Variants in MYO6 observed in about 807,000 individuals in gnomAD.
MYO6 encodes the protein myosin VI.
MYO6 carries 74 observed loss-of-function variants against 178.7 expected under a neutral mutation model. The ratio of observed to expected loss-of-function variants is 0.41; its 90% CI spans 0.34 to 0.50. The LOEUF is 0.50. MYO6 is among the 20% of genes least tolerant of loss of function. MYO6 has a pLI of 0.09. For missense variants in MYO6, 1,330 were observed against 1,547.4 expected (o/e 0.86, Z 2.36); for synonymous variants, 477 against 504.6 (o/e 0.95, Z 0.73).
At chr6:75,903,973 T>A (rs926532980) in intron 30 of MYO6, among the ~76,000 whole-genome samples, 5 of 152,062 alleles carry the variant, frequency 3.3e-5, no homozygotes, top group African/African-American at 1.2e-4. Context: ...ATTTTATTTC[T>A]CCTTCACTTA....
chr6:75,818,993 A>G (rs1771580765), intron 2 of MYO6, among the ~76,000 whole-genome samples: 1 of 152,222 alleles, frequency 6.6e-6, no homozygotes, highest in Non-Finnish European at 1.5e-5. Flanking sequence ...GTGTTTATAT[A>G]TAGTTGTTAT....
At chr6:75,757,730 T>C (rs1334218856) in intron 1 of MYO6, among the ~76,000 whole-genome samples, 1 of 152,078 alleles carries the variant, frequency 6.6e-6, no homozygotes, top group Non-Finnish European at 1.5e-5. Flanking sequence ...ATTTCATTTC[T>C]CTAGGCTTCA....
intron 18 of MYO6, 102 bp from the exon 19 acceptor site, chr6:75,870,545 A>G (rs755242863): frequency 2.0e-5 from 18 of 885,586 alleles, no homozygotes; most frequent in Non-Finnish European, 3.0e-5. Flanking sequence ...TTTGGATGTT[A>G]TTGCATGTTA....
intron 32 of MYO6, among the ~76,000 whole-genome samples, chr6:75,910,891 T>C (rs1460363140): frequency 6.6e-6 from 1 of 152,062 alleles, no homozygotes; most frequent in African/African-American, 2.4e-5. Context: ...GAAGGAACAA[T>C]TCATTAATTT....
At chr6:75,911,583 C>G in intron 32 of MYO6, 89 bp from the exon 33 acceptor site, 1 of 1,149,172 alleles carries the variant, frequency 8.7e-7, no homozygotes, top group Non-Finnish European at 1.3e-6. Context: ...GTCACCACCT[C>G]GATTGGAAGG....
At chr6:75,834,591 T>C (rs1299626638) in intron 6 of MYO6, among the ~76,000 whole-genome samples, 1 of 152,156 alleles carries the variant, frequency 6.6e-6, no homozygotes, top group African/African-American at 2.4e-5. Flanking sequence ...ACACTCATTG[T>C]AGTATAGTTC....
chr6:75,903,257 C>G (rs1779973374), intron 30 of MYO6, among the ~76,000 whole-genome samples: 1 of 151,958 alleles, frequency 6.6e-6, no homozygotes, highest in Non-Finnish European at 1.5e-5. Context: ...TGGTGCAGAG[C>G]TGAGTTCAAT....
intron 30 of MYO6, among the ~76,000 whole-genome samples, chr6:75,905,542 T>C (rs1780234501): frequency 6.6e-6 from 1 of 152,260 alleles, no homozygotes; most frequent in African/African-American, 2.4e-5. Context: ...CCCCTTGCTC[T>C]TCTGGAGTGA....
chr6:75,837,130 A>G (rs1245114287), intron 7 of MYO6, among the ~76,000 whole-genome samples: 1 of 152,088 alleles, frequency 6.6e-6, no homozygotes, highest in Non-Finnish European at 1.5e-5. Flanking sequence ...ACTTTCCCCC[A>G]CTATGTACTC....
intron 1 of MYO6, among the ~76,000 whole-genome samples, chr6:75,814,500 C>G (rs949072865): frequency 1.3e-5 from 2 of 152,152 alleles, no homozygotes; most frequent in Non-Finnish European, 2.9e-5. Flanking sequence ...CCATCTTGCT[C>G]TGTCTCCTTA....
intron 1 of MYO6, among the ~76,000 whole-genome samples, chr6:75,780,730 AC>A (rs1766890597): frequency 6.6e-6 from 1 of 152,132 alleles, no homozygotes; most frequent in South Asian, 2.1e-4. Flanking sequence ...TATATGATAT[AC>A]TATGTTAGAT....
At chr6:75,820,153 G>A (rs1398370427) in intron 2 of MYO6, among the ~76,000 whole-genome samples, 1 of 152,190 alleles carries the variant, frequency 6.6e-6, no homozygotes, top group Non-Finnish European at 1.5e-5. Flanking sequence ...TAAATTTATG[G>A]CATAGAAGGG....
At chr6:75,833,263 G>A (rs1449574916) in intron 6 of MYO6, among the ~76,000 whole-genome samples, 1 of 152,252 alleles carries the variant, frequency 6.6e-6, no homozygotes, top group Non-Finnish European at 1.5e-5. Flanking sequence ...AAAATGCTGG[G>A]ATTATAGGCA....
At chr6:75,899,556 G>C (rs1301616527) in intron 30 of MYO6, among the ~76,000 whole-genome samples, 1 of 152,068 alleles carries the variant, frequency 6.6e-6, no homozygotes, top group African/African-American at 2.4e-5. Flanking sequence ...TACACAGCTG[G>C]CCATTTTTGA....
chr6:75,880,008 A>G (rs1191849130), intron 21 of MYO6, 35 bp from the exon 22 acceptor site: 2 of 1,613,064 alleles, frequency 1.2e-6, no homozygotes, highest in Non-Finnish European at 1.7e-6. Flanking sequence ...TTCTATTAAT[A>G]ATTGACATTT....
intron 2 of MYO6, among the ~76,000 whole-genome samples, chr6:75,821,000 A>G (rs1010286084): frequency 3.3e-5 from 5 of 152,244 alleles, no homozygotes; most frequent in African/African-American, 4.8e-5. Context: ...TGATCAAGAT[A>G]TGTTTTTAGC....
At chr6:75,825,925 T>A (rs1451434589) in intron 3 of MYO6, among the ~76,000 whole-genome samples, 1 of 152,210 alleles carries the variant, frequency 6.6e-6, no homozygotes, top group Non-Finnish European at 1.5e-5. Context: ...TTGTTATATG[T>A]CTTATGTTAA....
rs900823838 is a variant in MYO6, at chr6:75,894,973, A to C, written c.3108-258A>C. 5.8e-6 allele frequency: 4 copies of C among 684,974 alleles called. No homozygotes were observed. In the African/African-American group the frequency reaches 7.3e-5, roughly 12 times the overall value. 42.4% of individuals were successfully genotyped at this position (684,974 alleles called of 1,614,324 possible). The stretch of plus-strand genomic sequence containing the variant: ...AAATAATATCCAGATTCTATTAAAA[A>C]CAAACCTCACAATATATGAATTTTC... On this transcript the variant is annotated intron_variant, in intron 28 of 34. Transcript: ENST00000369977.
intron 1 of MYO6, among the ~76,000 whole-genome samples, chr6:75,804,033 G>A (rs1240058148): frequency 6.6e-6 from 1 of 152,188 alleles, no homozygotes; most frequent in Non-Finnish European, 1.5e-5. Context: ...AGCTGTGACT[G>A]CAGGTGTGTA....
Sources: gnomAD v4.1 joint callset for allele counts (sites outside exome capture counted in the v4.1 genomes callset) on GRCh38, gnomAD v4.1.1 for gene constraint, MANE v1.5 for transcripts, NCBI Gene and HGNC (gene_info 2026-07-23, HGNC 2026-07-21) for gene names.